The following FBXO6 variants were observed in gnomAD, a reference collection of about 807,000 sequenced individuals.
The protein encoded by FBXO6 is F-box only protein 6.
A neutral mutation model predicts 25.0 loss-of-function variants in FBXO6; 13 were observed. The observed-to-expected ratio is 0.52, with a 90% CI of 0.34 to 0.83. The LOEUF (loss-of-function observed/expected upper bound fraction) is 0.83. Among genes scored for constraint, FBXO6 ranks in the 40% least tolerant of loss-of-function variants. The pLI is 0.02. For missense variants in FBXO6, 370 were observed against 380.2 expected, an observed-to-expected ratio of 0.97 and a Z score of 0.22; for synonymous variants, 138 against 155.3, an observed-to-expected ratio of 0.89 and a Z score of 0.83.
rs79239670 is a variant in FBXO6, at chr1:11,668,252, A to G, written c.-3-404A>G. ...TTTAAAATTAAGCAATTTTTTTTAA[A>G]TTGGGGAGGGGCCTTTTAAAAAATG... On this transcript the variant is annotated intron_variant, in intron 1 of 5. Transcript: ENST00000376753. 3.9e-3 allele frequency among the ~76,000 whole-genome samples: 596 copies of G among 152,254 alleles called. 1 individual carries two copies. The highest frequency in any genetic ancestry group is 6.3e-3 in the Non-Finnish European group (427 of 68,016).
At chr1:11,671,198 G>T in intron 2 of FBXO6, 68 bp from the exon 3 acceptor site, 3 of 1,582,624 alleles carry the variant, frequency 1.9e-6, no homozygotes, top group Non-Finnish European at 2.6e-6. Context: ...GCCCTCCTGG[G>T]ACTAAGTGGG....
chr1:11,670,979 G>T (rs1640601101), intron 2 of FBXO6, among the ~76,000 whole-genome samples: 1 of 152,184 alleles, frequency 6.6e-6, no homozygotes, highest in Non-Finnish European at 1.5e-5. Flanking sequence ...ATATGGTGAG[G>T]ACAGTTGGGA....
At chr1:11,669,269 C>A (rs991263979) in intron 2 of FBXO6, among the ~76,000 whole-genome samples, 5 of 152,108 alleles carry the variant, frequency 3.3e-5, no homozygotes, top group African/African-American at 1.2e-4. Flanking sequence ...AGTTAGAGAC[C>A]AGCCTGGTCA....
Position 11,674,173 on chromosome 1 carries a change from G to A in FBXO6, c.*322G>A, listed in dbSNP as rs541273807. ...CAAAAAATTAGCCGGGCGTGGTGGCGGGCGCCTGTAGTCCCAGCTACTCGG... is the reference window on the plus strand; with the variant it reads ...CAAAAAATTAGCCGGGCGTGGTGGCAGGCGCCTGTAGTCCCAGCTACTCGG... On this transcript the variant is annotated 3_prime_UTR_variant, in exon 6 of 6. Transcript: ENST00000376753. This position sits in a 1 kb window ranked among gnomAD's most constrained non-coding sequence, Gnocchi z 6.1. 11 of 305,658 alleles carry A rather than the reference G, an allele frequency of 3.6e-5. No homozygotes were observed. The highest frequency in any genetic ancestry group is 6.5e-5 in the South Asian group (2 of 30,972). The allele number at this position is 305,658 out of a possible 1,614,324, so 18.9% of individuals were successfully genotyped here.
chr1:11,667,048 G>A (rs1570269163), intron 1 of FBXO6, among the ~76,000 whole-genome samples: 1 of 152,042 alleles, frequency 6.6e-6, no homozygotes, highest in African/African-American at 2.4e-5. Flanking sequence ...TTGAGAGGCT[G>A]AGGCTGGAGA....
Position 11,674,168 on chromosome 1 carries a change from G to T in FBXO6, c.*317G>T, listed in dbSNP as rs1640711309. 3.2e-6 allele frequency: 1 copy of T among 308,294 alleles called. No individual in the cohort carries two copies. Among genetic ancestry groups the T allele is most frequent in the South Asian group, 3.2e-5 (1 of 31,344 alleles). 19.1% of individuals were successfully genotyped at this position (308,294 alleles called of 1,614,324 possible). The stretch of plus-strand genomic sequence containing the variant: ...AAATACAAAAAATTAGCCGGGCGTG[G>T]TGGCGGGCGCCTGTAGTCCCAGCTA... On this transcript the variant is annotated 3_prime_UTR_variant, in exon 6 of 6. Coordinates refer to ENST00000376753, the MANE Select transcript of FBXO6 (RefSeq NM_018438.6). This position sits in a 1 kb window ranked among gnomAD's most constrained non-coding sequence, Gnocchi z 6.1.
At chr1:11,672,170 C>A (rs1428275167) in intron 4 of FBXO6, 147 bp downstream of exon 4, 7 of 674,682 alleles carry the variant, frequency 1.0e-5, no homozygotes, top group Non-Finnish European at 1.8e-5. Context: ...CTGCTCTGCA[C>A]CCACACCCTG....
chr1:11,671,369 G>T lies in FBXO6; in HGVS notation c.390G>T (p.Lys130Asn), dbSNP rs1310983743. ...HGTDFPDPKV[K>N]KYFVTSYEMC... is the part of the protein sequence containing the mutation. ...CAGATTTTCCTGACCCCAAAGTCAA[G>T]AAGTATTTTGTCACATCCTACGAGT... Residue 130 changes from lysine (K) to asparagine (N), a missense_variant, in exon 3 of 6, where the codon AAG becomes AAT. Lys to Asn is a moderately conservative substitution (Grantham distance 94). Coordinates refer to ENST00000376753, the MANE Select transcript of FBXO6 (RefSeq NM_018438.6). 2 of 1,614,080 alleles carry T rather than the reference G, an allele frequency of 1.2e-6. No homozygotes were observed. The highest frequency in any genetic ancestry group is 1.7e-5 in the Admixed American group (1 of 60,026).
rs889224205 is a variant in FBXO6, at chr1:11,671,995, T to G, written c.481T>G (p.Phe161Val). 3 of 1,613,996 alleles carry G rather than the reference T, an allele frequency of 1.9e-6. No homozygotes were observed. Among genetic ancestry groups the G allele is most frequent in the African/African-American group, 1.3e-5 (1 of 74,926 alleles). The change falls in exon 4 of 6, where the codon TTC becomes GTC. Residue 161 changes from phenylalanine to valine, a missense_variant. Transcript: ENST00000376753. ...CTACTGGGAGGAGCTACTAGACACA[T>G]TCCGGCCGGACATCGTGGTTAAGGA... ...EGYWEELLDT[F>V]RPDIVVKDWF...
rs1448549714 is a variant in FBXO6, at chr1:11,673,008, CT to C, written c.510-265del. On this transcript the variant is annotated intron_variant, in intron 4 of 5. Transcript: ENST00000376753. The surrounding 1 kb of genome is among the most constrained non-coding windows in gnomAD (Gnocchi z 4.3). Reference sequence around the variant, plus strand: ...ACAGACCAGGCCTCTCTGGAGGGGTCTTTTGATTTTTGAGGTCATATCTTTA... The same window carrying C: ...ACAGACCAGGCCTCTCTGGAGGGGTCTTTGATTTTTGAGGTCATATCTTTA... Among the ~76,000 whole-genome samples the C allele has an allele frequency of 2.0e-5, 3 of 152,188 alleles. No homozygotes were observed. Among genetic ancestry groups the C allele is most frequent in the African/African-American group, 7.2e-5 (3 of 41,444 alleles).
intron 1 of FBXO6, among the ~76,000 whole-genome samples, chr1:11,665,215 C>CTTTTTTTTTTTTT (rs541103021): frequency 1.6e-5 from 1 of 61,586 alleles, no homozygotes; most frequent in Non-Finnish European, 2.9e-5. Context: ...TAGCTAATTT[C>CTTTTTTTTTTTTT]TTTTTTTTTT....
chr1:11,665,532 G>T (rs1489607751), intron 1 of FBXO6, among the ~76,000 whole-genome samples: 2 of 145,988 alleles, frequency 1.4e-5, no homozygotes, highest in Non-Finnish European at 3.0e-5. Flanking sequence ...TGGGATTACA[G>T]GCGTGAGCCA....
intron 2 of FBXO6, 62 bp downstream of exon 2, chr1:11,669,006 G>C (rs999742521): frequency 1.3e-6 from 2 of 1,576,218 alleles, no homozygotes; most frequent in African/African-American, 2.7e-5. Context: ...TTGGGCCTTG[G>C]CACTTGCAAT....
At position 11,669,676 on chromosome 1, in the gene FBXO6, A is replaced by ATATATGTG. The variant is rs1557672967; in HGVS notation, c.286+732_286+733insTATATGTG. On this transcript the variant is annotated intron_variant, in intron 2 of 5. Transcript: ENST00000376753. ...TATACATATACACATGTATATATGT[A>ATATATGTG]CACATATATACGTATATATACATAT... Among the ~76,000 whole-genome samples, 160 of 108,632 alleles carry ATATATGTG rather than the reference A, an allele frequency of 1.5e-3. 2 individuals are homozygous for ATATATGTG. The highest frequency in any genetic ancestry group is 7.2e-3 in the African/African-American group (142 of 19,712). 71.3% of individuals were successfully genotyped at this position (108,632 alleles called of 152,430 possible). A position where few individuals can be genotyped will look rare whatever the true frequency, so the allele number is the denominator to read the frequency against.
Position 11,669,030 on chromosome 1 carries a change from G to A in FBXO6, c.286+86G>A, listed in dbSNP as rs1010595671. 4.6e-6 allele frequency: 7 copies of A among 1,511,596 alleles called. No homozygotes were observed. The African/African-American group carries it at 9.7e-5, about 21-fold the overall frequency. The allele number at this position is 1,511,596 out of a possible 1,614,324, so 93.6% of individuals were successfully genotyped here. On this transcript the variant is annotated intron_variant, in intron 2 of 5. Transcript: ENST00000376753. ...GGCACTTGCAATTCCCACACTACCTGGAATATTCTCTAACCCTAAACACCC... is the reference window on the plus strand; with the variant it reads ...GGCACTTGCAATTCCCACACTACCTAGAATATTCTCTAACCCTAAACACCC...
At chr1:11,672,168 C>T (rs1640636882) in intron 4 of FBXO6, 145 bp downstream of exon 4, 2 of 677,232 alleles carry the variant, frequency 3.0e-6, no homozygotes, top group Non-Finnish European at 5.1e-6. Flanking sequence ...CCCTGCTCTG[C>T]ACCCACACCC....
chr1:11,669,064 T>G lies in FBXO6; in HGVS notation c.286+120T>G, dbSNP rs949855846. The G allele has an allele frequency of 1.6e-5, 20 of 1,280,990 alleles. No individual in the cohort carries two copies. The Middle Eastern group carries it at 6.9e-4, about 44-fold the overall frequency. The allele number at this position is 1,280,990 out of a possible 1,614,324, so 79.4% of individuals were successfully genotyped here. A position where few individuals can be genotyped will look rare whatever the true frequency, so the allele number is the denominator to read the frequency against. Reference sequence around the variant, plus strand: ...TCTAACCCTAAACACCCACCTCACTTCCTTGGTTCCTTCTCATTCTTCAGG... The same window carrying G: ...TCTAACCCTAAACACCCACCTCACTGCCTTGGTTCCTTCTCATTCTTCAGG... On this transcript the variant is annotated intron_variant, in intron 2 of 5. Coordinates refer to ENST00000376753, the MANE Select transcript of FBXO6 (RefSeq NM_018438.6).
At position 11,665,554 on chromosome 1, in the gene FBXO6, C is replaced by CTTT. The variant is rs70983579; in HGVS notation, c.-4+1321_-4+1323dup. 6.4e-3 allele frequency among the ~76,000 whole-genome samples: 241 copies of CTTT among 37,846 alleles called. 32 individuals carry two copies. Among genetic ancestry groups the CTTT allele is most frequent in the Non-Finnish European group, 7.7e-3 (190 of 24,804 alleles). The allele number at this position is 37,846 out of a possible 152,430, so 24.8% of individuals were successfully genotyped here. On this transcript the variant is annotated intron_variant, in intron 1 of 5. Coordinates refer to ENST00000376753, the MANE Select transcript of FBXO6 (RefSeq NM_018438.6). ...ACAGGCGTGAGCCACCGCGCCCGGC[C>CTTT]TTTTTTTTTTTTTTTTTTTTTTTTG...
chr1:11,668,869 C>A lies in FBXO6; in HGVS notation c.211C>A (p.Pro71Thr). The A allele has an allele frequency of 6.2e-7, 1 of 1,614,168 alleles. No homozygotes were observed. Among genetic ancestry groups the A allele is most frequent in the Non-Finnish European group, 8.5e-7 (1 of 1,180,024 alleles). ...CTTCATCACCAAGGACTGGGACCAGCCCGTGGCCGACTGGAAAATCTTCTA... is the reference window on the plus strand; with the variant it reads ...CTTCATCACCAAGGACTGGGACCAGACCGTGGCCGACTGGAAAATCTTCTA... ...EGFITKDWDQPVADWKIFYFL... is the reference protein window; with the variant it reads ...EGFITKDWDQTVADWKIFYFL... Residue 71 changes from proline to threonine, a missense_variant, in exon 2 of 6, where the codon CCC (proline) becomes ACC (threonine). Pro to Thr is a conservative substitution (Grantham distance 38, BLOSUM62 -1). Transcript: ENST00000376753.
Sources: allele counts gnomAD v4.1 joint callset (sites outside exome capture counted in the v4.1 genomes callset), GRCh38; gene constraint gnomAD v4.1.1; non-coding constraint Gnocchi (gnomAD v3.1); transcripts MANE v1.5; gene names NCBI Gene and HGNC (gene_info 2026-07-23, HGNC 2026-07-21).